Variants in BIN3 observed in about 807,000 individuals in gnomAD.
BIN3 encodes bridging integrator 3.
A neutral mutation model predicts 38.2 loss-of-function variants in BIN3; 41 were observed. The ratio of observed to expected loss-of-function variants is 1.07; its 90% CI spans 0.84 to 1.39. The LOEUF is 1.39. Ranked by LOEUF, BIN3 falls within the 40% of genes most tolerant of loss-of-function variation. The probability of loss-of-function intolerance (pLI) is 0.00; values close to 1 mark genes in which losing one functional copy is unlikely to be tolerated. For synonymous variants in BIN3, 145 were observed against 122.6 expected (o/e 1.18, Z -1.21); for missense variants, 361 against 324.3 (o/e 1.11, Z -0.87).
intron 1 of BIN3, among the ~76,000 whole-genome samples, chr8:22,653,202 T>C (rs1294199314): frequency 2.6e-5 from 4 of 152,242 alleles, no homozygotes; most frequent in East Asian, 1.9e-4. Context: ...ATCTTTGTTA[T>C]GTTTTTCATG....
At chr8:22,631,223 A>G (rs1261320567) in intron 4 of BIN3, among the ~76,000 whole-genome samples, 1 of 152,152 alleles carries the variant, frequency 6.6e-6, no homozygotes, top group Non-Finnish European at 1.5e-5. Context: ...CTCAATATCC[A>G]GTAGGAAGAG....
At chr8:22,654,803 G>T (rs772325530) in intron 1 of BIN3, among the ~76,000 whole-genome samples, 4 of 152,158 alleles carry the variant, frequency 2.6e-5, no homozygotes, top group Non-Finnish European at 5.9e-5. Flanking sequence ...TTATGTTCAA[G>T]ATTTTGTGTG....
In BIN3 at chr8:22,631,386, G is replaced by A. The variant is rs376278935; in HGVS notation, c.161-808C>T. Among the ~76,000 whole-genome samples the A allele has an allele frequency of 9.2e-5, 14 of 152,216 alleles. No individual in the cohort carries two copies. In the South Asian group the frequency reaches 2.7e-3, roughly 29 times the overall value. ...ATAATGGAAACCTGGGGACTTGTAC[G>A]GGACAAAGAGCTCCAAAGCTGCCAG... is the stretch of plus-strand genomic sequence containing the variant. On this transcript the variant is annotated intron_variant, in intron 4 of 8. Coordinates refer to ENST00000276416, the MANE Select transcript of BIN3 (RefSeq NM_018688.6).
chr8:22,621,241 G>T lies in BIN3; in HGVS notation c.*181C>A. 1 of 752,700 alleles carries T rather than the reference G, an allele frequency of 1.3e-6. No individual in the cohort carries two copies. Among genetic ancestry groups the T allele is most frequent in the Non-Finnish European group, 2.1e-6 (1 of 477,308 alleles). 46.6% of individuals were successfully genotyped at this position (752,700 alleles called of 1,614,324 possible). A position where few individuals can be genotyped will look rare whatever the true frequency, so the allele number is the denominator to read the frequency against. ...TACCTGCTGGGGCTGTGAGTGGGGA[G>T]ACGGCGGCCTGCCTAGGGCTCCTGG... On this transcript the variant is annotated 3_prime_UTR_variant, in exon 9 of 9. Transcript: ENST00000276416.
In BIN3 at chr8:22,621,305, G is replaced by T. The variant is rs982549901; in HGVS notation, c.*117C>A. 6.6e-6 allele frequency: 9 copies of T among 1,357,976 alleles called. No homozygotes were observed. The highest frequency in any genetic ancestry group is 8.9e-6 in the Non-Finnish European group (9 of 1,014,314). The allele number at this position is 1,357,976 out of a possible 1,614,324, so 84.1% of individuals were successfully genotyped here. On this transcript the variant is annotated 3_prime_UTR_variant, in exon 9 of 9. Coordinates refer to ENST00000276416, the MANE Select transcript of BIN3 (RefSeq NM_018688.6). ...AAGAGTCATTCATTGCAAAGGGCCG[G>T]CAAGTGAACCAGGGCCACCTCTGTC...
chr8:22,660,046 G>A (rs544829060), intron 1 of BIN3, among the ~76,000 whole-genome samples: 2 of 152,238 alleles, frequency 1.3e-5, no homozygotes, highest in African/African-American at 4.8e-5. Context: ...GTCCCATACC[G>A]TGATGCACCA....
intron 2 of BIN3, among the ~76,000 whole-genome samples, chr8:22,640,145 G>GAGCCACTA (rs1411284629): frequency 6.6e-6 from 1 of 152,016 alleles, no homozygotes; most frequent in African/African-American, 2.4e-5. Context: ...TTATAGGCGT[G>GAGCCACTA]AGCCACTGTG....
At chr8:22,641,131 G>T (rs1179055606) in intron 2 of BIN3, among the ~76,000 whole-genome samples, 3 of 152,210 alleles carry the variant, frequency 2.0e-5, no homozygotes, top group Non-Finnish European at 4.4e-5. Context: ...AGACAGAAAA[G>T]ATCTGAACAT....
At position 22,636,604 on chromosome 8, in the gene BIN3, G is replaced by A; in HGVS notation, c.99-18C>T. On this transcript the variant is annotated intron_variant, in intron 3 of 8. Coordinates refer to ENST00000276416, the MANE Select transcript of BIN3 (RefSeq NM_018688.6). Reference sequence around the variant, plus strand: ...CTTCCAGCCTGCAAGGCAGGGGACGGGCTGCTTGGGGTCCCCTTCCTTCCC... The same window carrying A: ...CTTCCAGCCTGCAAGGCAGGGGACGAGCTGCTTGGGGTCCCCTTCCTTCCC... 6.4e-7 allele frequency: 1 copy of A among 1,550,932 alleles called. No homozygotes were observed. Among genetic ancestry groups the A allele is most frequent in the South Asian group, 1.2e-5 (1 of 84,062 alleles).
At chr8:22,651,411 C>T (rs1802886561) in intron 1 of BIN3, among the ~76,000 whole-genome samples, 6 of 152,226 alleles carry the variant, frequency 3.9e-5, no homozygotes, top group Admixed American at 3.9e-4. Flanking sequence ...GCTGTCCCTT[C>T]ACCAATCTTT....
At chr8:22,648,338 T>TC (rs1391661109) in intron 1 of BIN3, among the ~76,000 whole-genome samples, 2 of 152,126 alleles carry the variant, frequency 1.3e-5, no homozygotes, top group African/African-American at 4.8e-5. Flanking sequence ...AGTTCCAGCA[T>TC]CCCACCCAGG....
Position 22,657,671 on chromosome 8 carries a change from A to C in BIN3, c.8+11373T>G, listed in dbSNP as rs140755058. ...ATGTAAAGATCAGATTCTCCCTGCG[A>C]TGAAATGGAGTATTCCTGCAGGAAG... is the stretch of plus-strand genomic sequence containing the variant. On this transcript the variant is annotated intron_variant, in intron 1 of 8. Transcript: ENST00000276416. 3.3e-3 allele frequency among the ~76,000 whole-genome samples: 499 copies of C among 152,378 alleles called. 5 individuals are homozygous for C. Among genetic ancestry groups the C allele is most frequent in the African/African-American group, 0.012 (479 of 41,590 alleles).
At chr8:22,659,201 C>A (rs893477939) in intron 1 of BIN3, among the ~76,000 whole-genome samples, 1 of 152,216 alleles carries the variant, frequency 6.6e-6, no homozygotes, top group Non-Finnish European at 1.5e-5. Flanking sequence ...CTGAGCAAGG[C>A]GGAGACCCCA....
chr8:22,650,783 T>A (rs191117036), intron 1 of BIN3, among the ~76,000 whole-genome samples: 275 of 152,336 alleles, frequency 1.8e-3, no homozygotes, highest in African/African-American at 6.4e-3. Flanking sequence ...AGCTATTGAC[T>A]TTTTACTTCG....
At chr8:22,622,308 C>G (rs1460387896) in intron 8 of BIN3, among the ~76,000 whole-genome samples, 1 of 152,342 alleles carries the variant, frequency 6.6e-6, no homozygotes, top group East Asian at 1.9e-4. Flanking sequence ...AAAGCTTCCA[C>G]GTTTCACTCT....
At chr8:22,643,872 T>G (rs1802637974) in intron 2 of BIN3, among the ~76,000 whole-genome samples, 1 of 152,224 alleles carries the variant, frequency 6.6e-6, no homozygotes, top group Non-Finnish European at 1.5e-5. Context: ...TCTACAGTTG[T>G]GGTCTCCCAT....
intron 1 of BIN3, among the ~76,000 whole-genome samples, chr8:22,662,954 T>G (rs1365085419): frequency 6.6e-6 from 1 of 152,198 alleles, no homozygotes; most frequent in African/African-American, 2.4e-5. Context: ...CTGGCTAACA[T>G]AGCGAAACTC....
chr8:22,665,343 T>C (rs12544502), intron 1 of BIN3, among the ~76,000 whole-genome samples: 43,820 of 152,140 alleles, frequency 0.29, 7,331 homozygotes, highest in East Asian at 0.61. Context: ...GCCCCATTCA[T>C]ATATTTAATA....
In BIN3 at chr8:22,624,223, T is replaced by C; in HGVS notation, c.479A>G (p.Gln160Arg). 8.1e-6 allele frequency: 13 copies of C among 1,613,154 alleles called. No individual in the cohort carries two copies. Among genetic ancestry groups the C allele is most frequent in the Non-Finnish European group, 1.1e-5 (13 of 1,179,498 alleles). ...CTGCCCACCTGTCTCCCCTGGTACC[T>C]GGTGGAGCTTGGCCAGCACTGGCCC... ...KTGPVLAKLH[Q>R]AREELRPVRE... Residue 160 changes from glutamine to arginine, a missense_variant and splice_region_variant, in exon 7 of 9, where the codon CAG (glutamine) becomes CGG (arginine). Transcript: ENST00000276416.
Sources: allele counts gnomAD v4.1 joint callset (sites outside exome capture counted in the v4.1 genomes callset), GRCh38; gene constraint gnomAD v4.1.1; transcripts MANE v1.5; gene names NCBI Gene and HGNC (gene_info 2026-07-23, HGNC 2026-07-21).